Variants in RERE observed in about 807,000 individuals in gnomAD.
RERE encodes arginine-glutamic acid dipeptide repeats protein.
RERE carries 40 observed loss-of-function variants against 146.1 expected under a neutral mutation model. The ratio of observed to expected loss-of-function variants is 0.27; its 90% confidence interval spans 0.21 to 0.36. The LOEUF (loss-of-function observed/expected upper bound fraction) is 0.36, where lower values mean the gene tolerates loss of function less well. Among genes scored for constraint, RERE ranks in the 10% least tolerant of loss-of-function variants. The probability of loss-of-function intolerance (pLI) is 1.00; values close to 1 mark genes in which losing one functional copy is unlikely to be tolerated. For missense variants in RERE, 1,933 were observed against 2,138.7 expected (o/e 0.90, Z 1.90); for synonymous variants, 1,003 against 866.0 (o/e 1.16, Z -2.78).
intron 12 of RERE, among the ~76,000 whole-genome samples, chr1:8,373,412 T>G (rs969340622): frequency 6.6e-6 from 1 of 152,180 alleles, no homozygotes; most frequent in Admixed American, 6.6e-5. Context: ...ATCCACCCCT[T>G]CCTTACTGAA....
rs201570536 is a variant in RERE, at chr1:8,359,794, TCGCTCCCGCTCC to T, written c.3576_3587del (p.Arg1198_Glu1201del). ...CCCGCTCTGCCTCGCGCTCCCGCTCTCGCTCCCGCTCCCGCTCCTTCTCCTTCTCCTTCTCCC... is the reference window on the plus strand; with the variant it reads ...CCCGCTCTGCCTCGCGCTCCCGCTCTCGCTCCTTCTCCTTCTCCTTCTCCC... On this transcript the variant is annotated inframe_deletion, in exon 19 of 23. Transcript: ENST00000400908. 2.1e-5 allele frequency: 33 copies of T among 1,601,498 alleles called. No individual in the cohort carries two copies. The highest frequency in any genetic ancestry group is 1.9e-4 in the African/African-American group (14 of 74,118).
chr1:8,647,897 C>T (rs1191382586), intron 2 of RERE, among the ~76,000 whole-genome samples: 1 of 152,154 alleles, frequency 6.6e-6, no homozygotes, highest in Admixed American at 6.5e-5. Context: ...TAAACAGTAA[C>T]TTGATTGAAT....
In RERE at chr1:8,725,913, T is replaced by C. The variant is rs189415638; in HGVS notation, c.-144-69472A>G. On this transcript the variant is annotated intron_variant, in intron 1 of 22. Coordinates refer to ENST00000400908, the MANE Select transcript of RERE (RefSeq NM_001042681.2). ...AGACATTCACAAATGAGGCATCTAA[T>C]TTTAACTTTGTTTTAAAAAGTTGTT... 1.9e-3 allele frequency among the ~76,000 whole-genome samples: 294 copies of C among 151,992 alleles called. 7 individuals are homozygous for C. The highest frequency in any genetic ancestry group is 0.018 in the Admixed American group (269 of 15,262).
At chr1:8,440,427 T>C (rs1280735343) in intron 11 of RERE, among the ~76,000 whole-genome samples, 2 of 149,886 alleles carry the variant, frequency 1.3e-5, no homozygotes, top group Non-Finnish European at 3.0e-5. Flanking sequence ...CTGTCTCTAC[T>C]AAAAATACAA....
intron 2 of RERE, among the ~76,000 whole-genome samples, chr1:8,650,775 T>G (rs1439832814): frequency 6.6e-6 from 1 of 151,992 alleles, no homozygotes; most frequent in East Asian, 1.9e-4. Context: ...CACGCGCCTG[T>G]AATCCCAGCT....
At chr1:8,393,822 A>G (rs1443626712) in intron 12 of RERE, among the ~76,000 whole-genome samples, 2 of 152,216 alleles carry the variant, frequency 1.3e-5, no homozygotes, top group African/African-American at 2.4e-5. Context: ...AAAACTATAT[A>G]GAGTTGAAAA....
intron 10 of RERE, among the ~76,000 whole-genome samples, chr1:8,473,974 C>CA (rs1225962720): frequency 2.0e-5 from 3 of 152,194 alleles, no homozygotes; most frequent in Non-Finnish European, 4.4e-5. Flanking sequence ...TGTCTTACTA[C>CA]AGCCTCTGAC....
At position 8,361,245 on chromosome 1, in the gene RERE, A is replaced by T. The variant is rs1318371912; in HGVS notation, c.2262T>A (p.Ala754=). The T allele has an allele frequency of 1.3e-6, 2 of 1,558,416 alleles. No individual in the cohort carries two copies. Among genetic ancestry groups the T allele is most frequent in the Non-Finnish European group, 8.7e-7 (1 of 1,155,314 alleles). The change falls in exon 18 of 23, where the codon GCT becomes GCA. Residue 754 remains alanine (A), a synonymous_variant. Transcript: ENST00000400908. Reference sequence around the variant, plus strand: ...TGGGCAGCTGAGGGGTCCCTGGAGGAGCTGAGGAGGGAGCTGGGGTGACCC... The same window carrying T: ...TGGGCAGCTGAGGGGTCCCTGGAGGTGCTGAGGAGGGAGCTGGGGTGACCC... The part of the protein sequence containing the change: ...PTGVTPAPSS[A]PPGTPQLPTP...
intron 7 of RERE, among the ~76,000 whole-genome samples, chr1:8,529,280 C>A (rs1645608142): frequency 8.7e-6 from 1 of 114,390 alleles, no homozygotes; most frequent in African/African-American, 3.4e-5. Context: ...ACCATCAGTT[C>A]TCCCTTCTTT....
intron 11 of RERE, among the ~76,000 whole-genome samples, chr1:8,439,900 C>T (rs1338261583): frequency 1.3e-5 from 2 of 151,972 alleles, no homozygotes; most frequent in African/African-American, 4.8e-5. Context: ...CAGTGAAACC[C>T]CGTCTACACT....
At chr1:8,661,112 C>G (rs905463898) in intron 1 of RERE, among the ~76,000 whole-genome samples, 1 of 152,068 alleles carries the variant, frequency 6.6e-6, no homozygotes, top group Non-Finnish European at 1.5e-5. Context: ...CAATTTTAAA[C>G]AAGATGTTCA....
At chr1:8,650,356 C>T (rs1243365025) in intron 2 of RERE, among the ~76,000 whole-genome samples, 2 of 152,000 alleles carry the variant, frequency 1.3e-5, no homozygotes, top group African/African-American at 4.8e-5. Context: ...TCGAGAGGTC[C>T]CTATAATTTA....
At chr1:8,548,615 T>A (rs1645896085) in intron 6 of RERE, among the ~76,000 whole-genome samples, 2 of 152,074 alleles carry the variant, frequency 1.3e-5, no homozygotes, top group African/African-American at 4.8e-5. Context: ...CAAAAACAAG[T>A]AAGTATATTT....
At chr1:8,369,509 A>AC (rs1641947016) in intron 12 of RERE, among the ~76,000 whole-genome samples, 1 of 19,900 alleles carries the variant, frequency 5.0e-5, no homozygotes, top group Non-Finnish European at 9.3e-5. Flanking sequence ...GCCTTTTACT[A>AC]AAAAAAAAAA....
At chr1:8,601,735 CAACACA>C (rs745870367) in intron 4 of RERE, among the ~76,000 whole-genome samples, 1 of 58,498 alleles carries the variant, frequency 1.7e-5, no homozygotes, top group East Asian at 6.1e-4. Context: ...TGTCCAAGGT[CAACACA>C]CACACACACA....
intron 1 of RERE, among the ~76,000 whole-genome samples, chr1:8,762,716 T>C (rs1414059401): frequency 8.5e-5 from 13 of 152,164 alleles, no homozygotes; most frequent in Admixed American, 3.3e-4. Flanking sequence ...AAGATGACCT[T>C]AATGACCACC....
intron 11 of RERE, 70 bp downstream of exon 11, chr1:8,465,855 G>A: frequency 7.9e-7 from 1 of 1,269,954 alleles, no homozygotes; most frequent in Non-Finnish European, 1.1e-6. Context: ...TGAGCAGCAG[G>A]GAGGTCACAC....
chr1:8,501,169 C>G (rs1645141759), intron 8 of RERE, among the ~76,000 whole-genome samples: 1 of 148,274 alleles, frequency 6.7e-6, no homozygotes, highest in Non-Finnish European at 1.5e-5. Context: ...GGGGGGTCAG[C>G]CCCCTGCCCG....
chr1:8,374,066 G>C (rs1443584403), intron 12 of RERE, among the ~76,000 whole-genome samples: 1 of 152,222 alleles, frequency 6.6e-6, no homozygotes, highest in Non-Finnish European at 1.5e-5. Context: ...TCTGCTTGAA[G>C]GCACACGCAG....
Sources: allele counts gnomAD v4.1 joint callset (sites outside exome capture counted in the v4.1 genomes callset), GRCh38; gene constraint gnomAD v4.1.1; transcripts MANE v1.5; gene names NCBI Gene and HGNC (gene_info 2026-07-23, HGNC 2026-07-21).